The following ARHGAP21 variants were observed in gnomAD, a reference collection of about 807,000 sequenced individuals.
The protein encoded by ARHGAP21 is Rho GTPase activating protein 21.
Under a neutral mutation model 164.6 loss-of-function variants are expected in ARHGAP21, and 38 were observed. That is an observed-to-expected ratio of 0.23 (90% confidence interval 0.18 to 0.30). The LOEUF is 0.30. Ranked by LOEUF, ARHGAP21 falls within the 10% of genes least tolerant of loss-of-function variation. The pLI is 1.00. For synonymous variants in ARHGAP21, 766 were observed against 857.9 expected, an observed-to-expected ratio of 0.89 and a Z score of 1.87; for missense variants, 1,822 against 2,370.7, an observed-to-expected ratio of 0.77 and a Z score of 4.81.
chr10:24,643,733 C>T (rs1438805276), intron 4 of ARHGAP21, among the ~76,000 whole-genome samples: 1 of 152,184 alleles, frequency 6.6e-6, no homozygotes, highest in African/African-American at 2.4e-5. Flanking sequence ...TGGCCTGCTA[C>T]TACAGCTGAA....
intron 9 of ARHGAP21, among the ~76,000 whole-genome samples, chr10:24,609,196 AT>A (rs1200025205): frequency 6.6e-6 from 1 of 152,208 alleles, no homozygotes; most frequent in Non-Finnish European, 1.5e-5. Context: ...TTTGAGGAGA[AT>A]GATTTTATGC....
At chr10:24,652,386 G>A (rs953402173) in intron 4 of ARHGAP21, among the ~76,000 whole-genome samples, 4 of 152,184 alleles carry the variant, frequency 2.6e-5, no homozygotes, top group African/African-American at 9.7e-5. Context: ...GCATCTTGAA[G>A]ATGACACAGG....
At chr10:24,593,790 T>C (rs1333189432) in intron 21 of ARHGAP21, among the ~76,000 whole-genome samples, 1 of 152,188 alleles carries the variant, frequency 6.6e-6, no homozygotes, top group Non-Finnish European at 1.5e-5. Flanking sequence ...AATTAGAGAC[T>C]ATTTCAGCTA....
intron 2 of ARHGAP21, among the ~76,000 whole-genome samples, chr10:24,680,537 T>C (rs1841668667): frequency 6.6e-6 from 1 of 152,190 alleles, no homozygotes; most frequent in Non-Finnish European, 1.5e-5. Flanking sequence ...GTAGGCAATT[T>C]CTTTCTTGCT....
In ARHGAP21 at chr10:24,624,467, G is replaced by C. The variant is rs1313603711; in HGVS notation, c.496-1705C>G. On this transcript the variant is annotated intron_variant, in intron 7 of 25. Coordinates refer to ENST00000396432, the MANE Select transcript of ARHGAP21 (RefSeq NM_020824.4). Reference sequence around the variant, plus strand: ...CAATTCTCCTGCCTCAGCCTCCTGAGTAGCTGGGATTACAGGCATGAGCCA... The same window carrying C: ...CAATTCTCCTGCCTCAGCCTCCTGACTAGCTGGGATTACAGGCATGAGCCA... Among the ~76,000 whole-genome samples the C allele has an allele frequency of 3.3e-5, 5 of 149,334 alleles. No homozygotes were observed. The Admixed American group carries it at 3.4e-4, about 10-fold the overall frequency.
At chr10:24,654,414 G>C (rs529781339) in intron 4 of ARHGAP21, among the ~76,000 whole-genome samples, 88 of 152,302 alleles carry the variant, frequency 5.8e-4, no homozygotes, top group African/African-American at 2.1e-3. Context: ...AGGCTGATAA[G>C]CAAATTCAGC....
intron 4 of ARHGAP21, chr10:24,640,317 A>T (rs955680802): frequency 6.6e-6 from 1 of 151,254 alleles, no homozygotes; most frequent in African/African-American, 2.4e-5. Context: ...TAAGAAAGAA[A>T]GAAAATAATG....
At position 24,595,154 on chromosome 10, in the gene ARHGAP21, T is replaced by C; in HGVS notation, c.3749A>G (p.Glu1250Gly). 2 of 1,612,412 alleles carry C rather than the reference T, an allele frequency of 1.2e-6. No individual in the cohort carries two copies. Among genetic ancestry groups the C allele is most frequent in the South Asian group, 1.1e-5 (1 of 90,570 alleles). The change falls in exon 20 of 26, where the codon GAA becomes GGA. Residue 1250 changes from glutamate to glycine, a missense_variant. Glu to Gly is a moderately conservative substitution (Grantham distance 98, BLOSUM62 -2). Around this residue, in one of 5 missense-constraint regions of ARHGAP21, gnomAD observed 117 missense variants for 238.1 expected, o/e 0.49. Transcript: ENST00000396432. Reference sequence around the variant, plus strand: ...TGTTTTCAGACGATCTAGAGGATCTTCTTTACGATTGGCTTCAATAAAATC... The same window carrying C: ...TGTTTTCAGACGATCTAGAGGATCTCCTTTACGATTGGCTTCAATAAAATC... ...YADFIEANRK[E>G]DPLDRLKTLK...
At chr10:24,700,690 G>C (rs188392499) in intron 2 of ARHGAP21, among the ~76,000 whole-genome samples, 1 of 152,334 alleles carries the variant, frequency 6.6e-6, no homozygotes, top group East Asian at 1.9e-4. Context: ...AATATGGTAA[G>C]TGGTAACACC....
chr10:24,627,834 A>T (rs941414445), intron 7 of ARHGAP21, among the ~76,000 whole-genome samples: 30 of 152,230 alleles, frequency 2.0e-4, no homozygotes, highest in African/African-American at 7.2e-4. Flanking sequence ...GCTGCTCTTC[A>T]TCAATCACAC....
Position 24,584,410 on chromosome 10 carries a change from G to A in ARHGAP21, c.*2C>T, listed in dbSNP as rs1474643900. ...ACTTGCTAGAGTGGACATACCCCCA[G>A]TTTAAAGACAGGGATGAAACTCTGC... On this transcript the variant is annotated 3_prime_UTR_variant, in exon 26 of 26. Transcript: ENST00000396432. The A allele has an allele frequency of 6.3e-7, 1 of 1,592,970 alleles. No individual in the cohort carries two copies. The highest frequency in any genetic ancestry group is 8.5e-7 in the Non-Finnish European group (1 of 1,170,412).
chr10:24,622,004 T>C (rs1834589177), intron 8 of ARHGAP21, among the ~76,000 whole-genome samples: 1 of 152,130 alleles, frequency 6.6e-6, no homozygotes, highest in African/African-American at 2.4e-5. Flanking sequence ...TGAAAAAAGG[T>C]AACTCATCGT....
At chr10:24,679,077 G>A (rs1005569994) in intron 2 of ARHGAP21, among the ~76,000 whole-genome samples, 3 of 152,124 alleles carry the variant, frequency 2.0e-5, no homozygotes, top group South Asian at 2.1e-4. Context: ...GAACATTCAC[G>A]TACAGGTTTT....
intron 2 of ARHGAP21, among the ~76,000 whole-genome samples, chr10:24,675,507 T>G (rs892061993): frequency 3.3e-5 from 5 of 152,256 alleles, no homozygotes; most frequent in Admixed American, 1.3e-4. Flanking sequence ...ATGTTTTCAC[T>G]GGTGCATACT....
intron 21 of ARHGAP21, among the ~76,000 whole-genome samples, chr10:24,593,590 T>TATTCCATAAAATAC (rs2076435001): frequency 6.6e-6 from 1 of 151,260 alleles, no homozygotes; most frequent in Non-Finnish European, 1.5e-5. Flanking sequence ...GTATTTTTCT[T>TATTCCATAAAATAC]GAAAGATATT....
chr10:24,605,984 T>C (rs2077007824), intron 11 of ARHGAP21, among the ~76,000 whole-genome samples: 3 of 152,300 alleles, frequency 2.0e-5, no homozygotes, highest in African/African-American at 7.2e-5. Context: ...ATAAAGATGA[T>C]GTATCATCGG....
intron 5 of ARHGAP21, 100 bp from the exon 6 acceptor site, chr10:24,633,580 G>T (rs531282993): frequency 6.2e-6 from 4 of 641,284 alleles, no homozygotes; most frequent in East Asian, 2.9e-5. Context: ...TTTTAATGTC[G>T]TATATATTAA....
At chr10:24,603,619 GTGGGGGT>G (rs749720041) in intron 12 of ARHGAP21, among the ~76,000 whole-genome samples, 10 of 152,312 alleles carry the variant, frequency 6.6e-5, no homozygotes, top group Non-Finnish European at 1.3e-4. Context: ...CCGAAGAAGT[GTGGGGGT>G]TGGTTTTTAA....
intron 4 of ARHGAP21, among the ~76,000 whole-genome samples, chr10:24,637,399 A>G (rs929374641): frequency 6.6e-6 from 1 of 152,238 alleles, no homozygotes. Context: ...TCTTGGCTAG[A>G]TATCTAAAGG....
Sources: allele counts gnomAD v4.1 joint callset (sites outside exome capture counted in the v4.1 genomes callset), GRCh38; gene constraint gnomAD v4.1.1; regional missense constraint gnomAD v4.1.1; transcripts MANE v1.5; gene names NCBI Gene and HGNC (gene_info 2026-07-23, HGNC 2026-07-21).